TBC1D12: variants seen among roughly 807,000 people sequenced by gnomAD.
TBC1D12 encodes the protein TBC1 domain family member 12.
TBC1D12 carries 56 observed loss-of-function variants against 86.7 expected under a neutral mutation model. The observed-to-expected ratio is 0.65, with a 90% CI of 0.52 to 0.81. TBC1D12 has a LOEUF of 0.81. TBC1D12 is among the 30% of genes least tolerant of loss of function. TBC1D12 has a pLI of 0.00. For missense variants in TBC1D12, 1,023 were observed against 1,038.8 expected (o/e 0.98, Z 0.21); for synonymous variants, 421 against 411.7 (o/e 1.02, Z -0.27).
At chr10:94,468,981 T>C (rs1028130697) in intron 2 of TBC1D12, among the ~76,000 whole-genome samples, 1 of 152,226 alleles carries the variant, frequency 6.6e-6, no homozygotes, top group Non-Finnish European at 1.5e-5. Context: ...AGATTAAACA[T>C]TGCAGAAGAA....
chr10:94,445,440 G>A (rs2055447820), intron 2 of TBC1D12, among the ~76,000 whole-genome samples: 1 of 152,178 alleles, frequency 6.6e-6, no homozygotes, highest in Admixed American at 6.5e-5. Context: ...AAGGGGTAGA[G>A]TTGAAATGTA....
intron 2 of TBC1D12, among the ~76,000 whole-genome samples, chr10:94,449,025 G>A (rs893098083): frequency 2.6e-5 from 4 of 152,088 alleles, no homozygotes; most frequent in Non-Finnish European, 5.9e-5. Context: ...GGAGAAGGGA[G>A]AAGTATGATC....
rs963436402 is a variant in TBC1D12, at chr10:94,491,850, A to C, written c.1212-1515A>C. Among the ~76,000 whole-genome samples the C allele has an allele frequency of 4.6e-5, 5 of 108,970 alleles. 1 individual carries two copies. The highest frequency in any genetic ancestry group is 8.4e-5 in the African/African-American group (3 of 35,678). The allele number at this position is 108,970 out of a possible 152,430, so 71.5% of individuals were successfully genotyped here. The stretch of plus-strand genomic sequence containing the variant: ...AAGAGTAGTGGTGCTGACAATTCAG[A>C]TATGCCAAAGAGAAGCTGTAAAGTT... On this transcript the variant is annotated intron_variant, in intron 3 of 12. Coordinates refer to ENST00000225235, the MANE Select transcript of TBC1D12 (RefSeq NM_015188.2).
At chr10:94,509,978 A>G in intron 7 of TBC1D12, 113 bp from the exon 8 acceptor site, 1 of 709,478 alleles carries the variant, frequency 1.4e-6, no homozygotes, top group South Asian at 1.8e-5. Context: ...TAATTTCTTG[A>G]TTATTCAGCT....
rs2055403207 is a variant in TBC1D12, at chr10:94,442,972, A to G, written c.1095+953A>G. Among the ~76,000 whole-genome samples, 4 of 152,210 alleles carry G rather than the reference A, an allele frequency of 2.6e-5. No homozygotes were observed. The South Asian group carries it at 8.3e-4, about 32-fold the overall frequency. ...TTTTTTCTTCTTTTTGCATTTGAAT[A>G]AAAGGTTTATTTTTTTCCTCAGGAA... On this transcript the variant is annotated intron_variant, in intron 2 of 12. Coordinates refer to ENST00000225235, the MANE Select transcript of TBC1D12 (RefSeq NM_015188.2).
intron 3 of TBC1D12, among the ~76,000 whole-genome samples, chr10:94,481,736 T>C (rs2056080714): frequency 6.6e-6 from 1 of 152,230 alleles, no homozygotes; most frequent in South Asian, 2.1e-4. Context: ...ACTTTACCAT[T>C]ACATTCTCCA....
intron 9 of TBC1D12, among the ~76,000 whole-genome samples, chr10:94,520,769 C>G (rs943076455): frequency 2.0e-5 from 3 of 151,818 alleles, no homozygotes; most frequent in African/African-American, 7.2e-5. Context: ...ACGCCATTCT[C>G]CTGCCTCAGC....
chr10:94,475,981 C>A (rs1036372406), intron 3 of TBC1D12, among the ~76,000 whole-genome samples: 5 of 152,020 alleles, frequency 3.3e-5, no homozygotes, highest in Non-Finnish European at 5.9e-5. Context: ...GCTCTGACAT[C>A]CAGGCTGGAG....
rs542589039 is a variant in TBC1D12 at position 94,474,759 on chromosome 10, C to T, written c.1187C>T (p.Ala396Val). The T allele has an allele frequency of 6.2e-7, 1 of 1,613,994 alleles. No individual in the cohort carries two copies. The highest frequency in any genetic ancestry group is 1.1e-5 in the South Asian group (1 of 91,060). ...GAATTTGAGCCGCTTTCTACCACTG[C>T]CTTGATTCTTGAGGATCGACCATCG... ...NFEFEPLSTT[A>V]LILEDRPSNL... is the part of the protein sequence containing the mutation. Residue 396 changes from alanine to valine, a missense_variant, in exon 3 of 13, where the codon GCC becomes GTC. Transcript: ENST00000225235.
chr10:94,465,900 G>A (rs771611521), intron 2 of TBC1D12, among the ~76,000 whole-genome samples: 8 of 148,468 alleles, frequency 5.4e-5, no homozygotes, highest in East Asian at 2.0e-4. Context: ...ACATACATAC[G>A]CATATATACA....
In TBC1D12 at chr10:94,521,995, A is replaced by G; in HGVS notation, c.1802A>G (p.Asn601Ser). The change falls in exon 10 of 13, where the codon AAT becomes AGT. Residue 601 changes from asparagine to serine, a missense_variant. Asn to Ser is a conservative substitution (Grantham distance 46). Transcript: ENST00000225235. ...MSFIAAVLIL[N>S]LEEADAFIAF... ...TTCATTGCAGCAGTACTCATTCTCA[A>G]TTTGGAAGAGGCAGATGCCTTTATC... 2.5e-6 allele frequency: 4 copies of G among 1,612,350 alleles called. No homozygotes were observed. Among genetic ancestry groups the G allele is most frequent in the Middle Eastern group, 3.3e-4 (2 of 6,050 alleles).
Position 94,402,918 on chromosome 10 carries a change from C to CA in TBC1D12, c.306dup (p.Ala103SerfsTer22), listed in dbSNP as rs1564930425. On this transcript the variant is annotated frameshift_variant, in exon 1 of 13. Transcript: ENST00000225235. LOFTEE classifies it high-confidence loss of function. ...CAGGCCGGCGCCCCGCCGCCCTCGGCAGCCCCACGATCGGACGCCTGCCTG... is the reference window on the plus strand; with the variant it reads ...CAGGCCGGCGCCCCGCCGCCCTCGGCAAGCCCCACGATCGGACGCCTGCCTG... The CA allele has an allele frequency of 2.0e-6, 3 of 1,517,742 alleles. No individual in the cohort carries two copies. The highest frequency in any genetic ancestry group is 1.8e-4 in the Middle Eastern group (1 of 5,518). 94.0% of individuals were successfully genotyped at this position (1,517,742 alleles called of 1,614,324 possible).
intron 6 of TBC1D12, 90 bp from the exon 7 acceptor site, chr10:94,507,177 A>G: frequency 1.6e-6 from 2 of 1,264,662 alleles, no homozygotes; most frequent in Non-Finnish European, 2.2e-6. Context: ...GAGAGACCTG[A>G]CCTGTAATAG....
At position 94,531,239 on chromosome 10, in the gene TBC1D12, C is replaced by T. The variant is rs756561599; in HGVS notation, c.2038C>T (p.Leu680=). ...TLYSKSLPLD[L]ACRVWDVFCR... ...ATATAGCAAATCACTACCACTTGAT[C>T]TGGCCTGTCGAGTCTGGGATGTATT... The change falls in exon 12 of 13, where the codon CTG becomes TTG. Residue 680 remains leucine (L), a synonymous_variant. Coordinates refer to ENST00000225235, the MANE Select transcript of TBC1D12 (RefSeq NM_015188.2). 2 of 1,613,814 alleles carry T rather than the reference C, an allele frequency of 1.2e-6. No individual in the cohort carries two copies. The highest frequency in any genetic ancestry group is 2.2e-5 in the East Asian group (1 of 44,866).
chr10:94,461,337 A>G (rs900511042), intron 2 of TBC1D12, among the ~76,000 whole-genome samples: 1 of 152,194 alleles, frequency 6.6e-6, no homozygotes, highest in African/African-American at 2.4e-5. Context: ...ACAGGACAGA[A>G]TGGACAGAGG....
intron 2 of TBC1D12, among the ~76,000 whole-genome samples, chr10:94,456,660 A>T (rs986667845): frequency 6.6e-6 from 1 of 152,230 alleles, no homozygotes; most frequent in East Asian, 1.9e-4. Context: ...TGGATGCGGT[A>T]GTCTACAGAT....
In TBC1D12 at chr10:94,474,678, C is replaced by T; in HGVS notation, c.1106C>T (p.Ala369Val). The change falls in exon 3 of 13, where the codon GCA (alanine) becomes GTA (valine). Residue 369 changes from alanine to valine, a missense_variant. Physicochemically the swap from Ala to Val is moderately conservative, Grantham distance 64. Around this residue, in one of 2 missense-constraint regions of TBC1D12, gnomAD observed 395 missense variants for 507.7 expected, o/e 0.78. Transcript: ENST00000225235. Reference protein sequence around the residue: ...TSKIIQQEYEARTGRTCKPPP... With the variant: ...TSKIIQQEYEVRTGRTCKPPP... ...TTTAATTTACTCTAGGAATATGAAGCACGAACGGGGAGGACCTGTAAACCA... is the reference window on the plus strand; with the variant it reads ...TTTAATTTACTCTAGGAATATGAAGTACGAACGGGGAGGACCTGTAAACCA... 1.2e-6 allele frequency: 2 copies of T among 1,613,840 alleles called. No individual in the cohort carries two copies. Among genetic ancestry groups the T allele is most frequent in the Non-Finnish European group, 1.7e-6 (2 of 1,179,862 alleles).
chr10:94,520,418 G>C (rs1842118127), intron 9 of TBC1D12, among the ~76,000 whole-genome samples: 2 of 152,040 alleles, frequency 1.3e-5, no homozygotes, highest in Non-Finnish European at 2.9e-5. Flanking sequence ...CGGGGTGGTG[G>C]CACATGCCTG....
intron 1 of TBC1D12, among the ~76,000 whole-genome samples, chr10:94,428,721 C>A (rs894485133): frequency 2.0e-5 from 3 of 150,688 alleles, no homozygotes; most frequent in Admixed American, 6.6e-5. Flanking sequence ...GGTTCATTGA[C>A]TTTTTTTTGA....
Sources: gnomAD v4.1 joint callset for allele counts (sites outside exome capture counted in the v4.1 genomes callset) on GRCh38, gnomAD v4.1.1 for gene constraint, gnomAD v4.1.1 regional missense constraint, MANE v1.5 for transcripts, NCBI Gene and HGNC (gene_info 2026-07-23, HGNC 2026-07-21) for gene names.